The following PPFIA2 variants were observed in gnomAD, a reference collection of about 807,000 sequenced individuals.
PPFIA2 encodes liprin-alpha-2.
In PPFIA2, 46 loss-of-function variants were observed where a neutral mutation model predicts 175.5. The observed-to-expected ratio is 0.26, with a 90% CI of 0.21 to 0.34. PPFIA2 has a LOEUF of 0.34. PPFIA2 is among the 10% of genes least tolerant of loss of function. The pLI is 1.00. For synonymous variants in PPFIA2, 568 were observed against 511.4 expected (o/e 1.11, Z -1.49); for missense variants, 1,179 against 1,506.1 (o/e 0.78, Z 3.60).
intron 2 of PPFIA2, among the ~76,000 whole-genome samples, chr12:81,755,738 C>T (rs866679459): frequency 2.6e-5 from 4 of 152,010 alleles, no homozygotes; most frequent in Non-Finnish European, 2.9e-5. Flanking sequence ...AAGTTTTAAA[C>T]GCTTTGAAGT....
chr12:81,589,587 T>C (rs770706086), intron 4 of PPFIA2, among the ~76,000 whole-genome samples: 37 of 152,114 alleles, frequency 2.4e-4, no homozygotes, highest in Non-Finnish European at 2.6e-4. Flanking sequence ...AGGTAAACAG[T>C]ATTGGAAATT....
chr12:81,261,596 A>T (rs1012545384), intron 32 of PPFIA2, among the ~76,000 whole-genome samples: 1 of 152,192 alleles, frequency 6.6e-6, no homozygotes, highest in East Asian at 1.9e-4. Context: ...TATACACTTA[A>T]AAAGATAGGA....
intron 4 of PPFIA2, among the ~76,000 whole-genome samples, chr12:81,503,730 T>C (rs1225286390): frequency 1.3e-5 from 2 of 152,124 alleles, no homozygotes; most frequent in East Asian, 1.9e-4. Flanking sequence ...TCTCTAGTTA[T>C]AAATTTTATA....
intron 4 of PPFIA2, among the ~76,000 whole-genome samples, chr12:81,527,565 G>A (rs2063878273): frequency 6.6e-6 from 1 of 151,984 alleles, no homozygotes; most frequent in South Asian, 2.1e-4. Flanking sequence ...ATGTCCAAAT[G>A]GAACCTTCTC....
chr12:81,450,213 A>G (rs926131980), intron 5 of PPFIA2, among the ~76,000 whole-genome samples: 34 of 152,206 alleles, frequency 2.2e-4, no homozygotes, highest in Non-Finnish European at 4.6e-4. Flanking sequence ...AGGAATTGCC[A>G]CACTGTCTTC....
At position 81,368,771 on chromosome 12, in the gene PPFIA2, C is replaced by T. The variant is rs868610303; in HGVS notation, c.1436G>A (p.Arg479His). Residue 479 changes from arginine to histidine, a missense_variant, in exon 13 of 33, where the codon CGC becomes CAC. Around this residue, in one of 10 missense-constraint regions of PPFIA2, gnomAD observed 66 missense variants for 129.4 expected, o/e 0.51. Coordinates refer to ENST00000549396, the MANE Select transcript of PPFIA2 (RefSeq NM_003625.5). ...TCTTTCCTTTAAGTGTAGTTGTAGG[C>T]GTTCATTGGATTCAGTCAGAAGTCT... is the stretch of plus-strand genomic sequence containing the variant. ...VDRLLTESNERLQLHLKERMA... is the reference protein window; with the variant it reads ...VDRLLTESNEHLQLHLKERMA... The T allele has an allele frequency of 6.2e-7, 1 of 1,610,504 alleles. No individual in the cohort carries two copies. Among genetic ancestry groups the T allele is most frequent in the Non-Finnish European group, 8.5e-7 (1 of 1,177,626 alleles).
chr12:81,591,555 G>A (rs1319250111), intron 4 of PPFIA2, among the ~76,000 whole-genome samples: 3 of 152,100 alleles, frequency 2.0e-5, no homozygotes, highest in Non-Finnish European at 4.4e-5. Context: ...TTCATGGGCC[G>A]GGCCCAGGGT....
In PPFIA2 at chr12:81,343,017, G is replaced by T. The variant is rs186032374; in HGVS notation, c.2262+1647C>A. ...AACTTTCCTCTGAATATCACTTAGA[G>T]TTTTGGAATTAGAGAGGGATTTGAA... On this transcript the variant is annotated intron_variant, in intron 19 of 32. Coordinates refer to ENST00000549396, the MANE Select transcript of PPFIA2 (RefSeq NM_003625.5). Among the ~76,000 whole-genome samples the T allele has an allele frequency of 5.9e-3, 894 of 151,810 alleles. 3 individuals are homozygous for T. The highest frequency in any genetic ancestry group is 0.024 in the South Asian group (117 of 4,806).
At chr12:81,605,650 G>T (rs967395769) in intron 4 of PPFIA2, among the ~76,000 whole-genome samples, 50 of 143,894 alleles carry the variant, frequency 3.5e-4, no homozygotes, top group African/African-American at 9.9e-4. Flanking sequence ...CATCCATCCA[G>T]CTATCTATCT....
intron 4 of PPFIA2, among the ~76,000 whole-genome samples, chr12:81,604,263 T>G (rs1001710957): frequency 6.6e-6 from 1 of 151,722 alleles, no homozygotes; most frequent in African/African-American, 2.4e-5. Flanking sequence ...TGGAAATGGT[T>G]GGGAAAATAT....
chr12:81,754,258 A>G, intron 2 of PPFIA2, 35 bp from the exon 3 acceptor site: 1 of 1,550,616 alleles, frequency 6.4e-7, no homozygotes, highest in Non-Finnish European at 8.8e-7. Flanking sequence ...GTCTTAGTAA[A>G]GAAATGATTT....
At chr12:81,552,613 C>T (rs887458208) in intron 4 of PPFIA2, among the ~76,000 whole-genome samples, 1 of 151,788 alleles carries the variant, frequency 6.6e-6, no homozygotes, top group African/African-American at 2.4e-5. Flanking sequence ...AAATATGAAT[C>T]TTTTGTTATT....
At chr12:81,332,545 A>G (rs574389619) in intron 21 of PPFIA2, among the ~76,000 whole-genome samples, 2 of 152,278 alleles carry the variant, frequency 1.3e-5, no homozygotes, top group Admixed American at 6.5e-5. Flanking sequence ...TTATGTCTGT[A>G]TCTTGTATTA....
chr12:81,414,770 C>T (rs2044631802), intron 7 of PPFIA2, among the ~76,000 whole-genome samples: 1 of 151,394 alleles, frequency 6.6e-6, no homozygotes, highest in Non-Finnish European at 1.5e-5. Flanking sequence ...ACACAAACAA[C>T]AAGAAAAAAC....
intron 4 of PPFIA2, among the ~76,000 whole-genome samples, chr12:81,469,901 T>G (rs2056430673): frequency 6.6e-6 from 1 of 152,130 alleles, no homozygotes; most frequent in Non-Finnish European, 1.5e-5. Flanking sequence ...ACACCAGAGC[T>G]CTCTCTCTGC....
intron 4 of PPFIA2, among the ~76,000 whole-genome samples, chr12:81,517,407 A>G (rs1172370282): frequency 1.3e-5 from 2 of 152,160 alleles, no homozygotes; most frequent in Admixed American, 1.3e-4. Context: ...CCAGAAACCC[A>G]GCATGTCTTC....
chr12:81,688,432 A>G (rs2153583908), intron 3 of PPFIA2, among the ~76,000 whole-genome samples: 1 of 152,060 alleles, frequency 6.6e-6, no homozygotes, highest in African/African-American at 2.4e-5. Context: ...AGGCTCAATT[A>G]CTGTAATTCT....
At chr12:81,346,839 A>T (rs1299855099) in intron 18 of PPFIA2, among the ~76,000 whole-genome samples, 2 of 152,098 alleles carry the variant, frequency 1.3e-5, no homozygotes, top group Non-Finnish European at 2.9e-5. Flanking sequence ...TTAAAAACAC[A>T]CACACACAGA....
intron 4 of PPFIA2, among the ~76,000 whole-genome samples, chr12:81,461,376 G>C (rs940910475): frequency 6.6e-6 from 1 of 152,016 alleles, no homozygotes; most frequent in African/African-American, 2.4e-5. Flanking sequence ...GCTAAAAATG[G>C]AGTCTCTTTA....
Sources: allele counts gnomAD v4.1 joint callset (sites outside exome capture counted in the v4.1 genomes callset), GRCh38; gene constraint gnomAD v4.1.1; regional missense constraint gnomAD v4.1.1; transcripts MANE v1.5; gene names NCBI Gene and HGNC (gene_info 2026-07-23, HGNC 2026-07-21).